The following ATP6V1E2 variants were observed in gnomAD, a reference collection of about 807,000 sequenced individuals.
The protein encoded by ATP6V1E2 is ATPase H+ transporting V1 subunit E2, also known as V-type proton ATPase subunit E 2.
For synonymous variants in ATP6V1E2, 121 were observed against 104.2 expected (o/e 1.16, Z -0.98); for missense variants, 308 against 273.3 (o/e 1.13, Z -0.90).
At chr2:46,522,391 CT>C (rs1157318909) in intron 4 of ATP6V1E2, among the ~76,000 whole-genome samples, 2 of 152,110 alleles carry the variant, frequency 1.3e-5, no homozygotes, top group African/African-American at 4.8e-5. Flanking sequence ...GTTTCCTCCC[CT>C]AACCCCCACC....
intron 4 of ATP6V1E2, among the ~76,000 whole-genome samples, chr2:46,531,915 T>C (rs1026526420): frequency 4.6e-5 from 7 of 152,268 alleles, no homozygotes; most frequent in African/African-American, 1.4e-4. Context: ...ATAAGAGAAC[T>C]TTATACATTC....
intron 2 of ATP6V1E2, among the ~76,000 whole-genome samples, chr2:46,539,759 C>A (rs544564618): frequency 2.2e-4 from 34 of 152,340 alleles, no homozygotes; most frequent in African/African-American, 7.7e-4. Flanking sequence ...TGCTCTTGGC[C>A]TTTCCCAGGC....
chr2:46,532,965 C>A (rs1037360751), intron 4 of ATP6V1E2, among the ~76,000 whole-genome samples: 9 of 151,826 alleles, frequency 5.9e-5, no homozygotes, highest in Non-Finnish European at 1.3e-4. Flanking sequence ...GTTTTTCTAT[C>A]CCTTTTGTTA....
At chr2:46,532,557 G>A (rs937845297) in intron 4 of ATP6V1E2, among the ~76,000 whole-genome samples, 1 of 152,146 alleles carries the variant, frequency 6.6e-6, no homozygotes, top group African/African-American at 2.4e-5. Context: ...ATTAAGAGGT[G>A]GAAACTTTGG....
At chr2:46,532,260 T>A (rs1667218111) in intron 4 of ATP6V1E2, among the ~76,000 whole-genome samples, 1 of 152,168 alleles carries the variant, frequency 6.6e-6, no homozygotes, top group African/African-American at 2.4e-5. Flanking sequence ...CACCATTTAT[T>A]GAAGAGACTA....
chr2:46,518,280 G>A (rs1666393414), intron 4 of ATP6V1E2, among the ~76,000 whole-genome samples: 1 of 152,050 alleles, frequency 6.6e-6, no homozygotes, highest in Non-Finnish European at 1.5e-5. Flanking sequence ...CCACTTATGG[G>A]ATATCTAAAG....
rs888685805 is a variant in ATP6V1E2 at position 46,542,576 on chromosome 2, G to C, written c.-733C>G. On this transcript the variant is annotated 5_prime_UTR_variant, in exon 1 of 5. Coordinates refer to ENST00000522587, the MANE Select transcript of ATP6V1E2 (RefSeq NM_001318063.2). ...GGCCGCGCGGCGGCAGCAGGCGGGG[G>C]CGCGTGGCGCGGGCCGCGCTCGGGG... 6.8e-6 allele frequency: 1 copy of C among 147,134 alleles called. No individual in the cohort carries two copies. The highest frequency in any genetic ancestry group is 6.8e-5 in the Admixed American group (1 of 14,810). The allele number at this position is 147,134 out of a possible 1,614,324, so 9.1% of individuals were successfully genotyped here. A position where few individuals can be genotyped will look rare whatever the true frequency, so the allele number is the denominator to read the frequency against.
chr2:46,525,941 G>T (rs557024167), intron 4 of ATP6V1E2, among the ~76,000 whole-genome samples: 30 of 151,598 alleles, frequency 2.0e-4, no homozygotes, highest in African/African-American at 7.3e-4. Context: ...CTGTCTAAAG[G>T]GGCAAATACT....
At chr2:46,522,636 T>C (rs1666698436) in intron 4 of ATP6V1E2, among the ~76,000 whole-genome samples, 1 of 152,236 alleles carries the variant, frequency 6.6e-6, no homozygotes, top group South Asian at 2.1e-4. Flanking sequence ...TTATCCAATC[T>C]ATCACTGATG....
intron 4 of ATP6V1E2, among the ~76,000 whole-genome samples, chr2:46,518,290 GT>G (rs2103845126): frequency 6.6e-6 from 1 of 152,188 alleles, no homozygotes; most frequent in Non-Finnish European, 1.5e-5. Flanking sequence ...GATATCTAAA[GT>G]AGTCAAACTC....
chr2:46,522,794 T>C (rs1427795280), intron 4 of ATP6V1E2, among the ~76,000 whole-genome samples: 1 of 152,250 alleles, frequency 6.6e-6, no homozygotes, highest in Admixed American at 6.5e-5. Context: ...TTTCTGGTTC[T>C]AGATCCTTGA....
chr2:46,532,592 C>G (rs1392194901), intron 4 of ATP6V1E2, among the ~76,000 whole-genome samples: 1 of 152,086 alleles, frequency 6.6e-6, no homozygotes, highest in Non-Finnish European at 1.5e-5. Context: ...GGGGAGAGCC[C>G]TCATGGATGG....
intron 4 of ATP6V1E2, 147 bp from the exon 5 acceptor site, chr2:46,512,959 A>C: frequency 2.3e-6 from 1 of 440,652 alleles, no homozygotes. Context: ...ACTCTAGAAG[A>C]ATGAGACTTG....
intron 4 of ATP6V1E2, among the ~76,000 whole-genome samples, chr2:46,522,336 A>G (rs978346333): frequency 6.6e-6 from 1 of 150,840 alleles, no homozygotes; most frequent in African/African-American, 2.4e-5. Flanking sequence ...ACACAGGTAT[A>G]CGTGTGTCAT....
In ATP6V1E2 at chr2:46,530,726, T is replaced by A. The variant is rs927453449; in HGVS notation, c.-102+5087A>T. Among the ~76,000 whole-genome samples the A allele has an allele frequency of 6.6e-6, 1 of 152,222 alleles. No individual in the cohort carries two copies. Among genetic ancestry groups the A allele is most frequent in the South Asian group, 2.1e-4 (1 of 4,834 alleles). ...TTTCATTGACTCACAGTTCAGCATG[T>A]CTGGGGAGGCCTTACAATCATGGCA... On this transcript the variant is annotated intron_variant, in intron 4 of 4. Coordinates refer to ENST00000522587, the MANE Select transcript of ATP6V1E2 (RefSeq NM_001318063.2). This position sits in a 1 kb window ranked among gnomAD's most constrained non-coding sequence, Gnocchi z 5.2.
intron 4 of ATP6V1E2, among the ~76,000 whole-genome samples, chr2:46,525,318 C>T (rs572861429): frequency 6.6e-6 from 1 of 151,966 alleles, no homozygotes; most frequent in East Asian, 1.9e-4. Context: ...AAAAATTAGC[C>T]GGGCGCAGTG....
Position 46,512,472 on chromosome 2 carries a change from C to T in ATP6V1E2, c.240G>A (p.Arg80=). 2 of 1,614,184 alleles carry T rather than the reference C, an allele frequency of 1.2e-6. No homozygotes were observed. The highest frequency in any genetic ancestry group is 1.7e-6 in the Non-Finnish European group (2 of 1,180,032). ...ILMSTMRNQA[R]LKVLRARNDL... ...CATTTCGGGCTCTCAGGACTTTCAG[C>T]CTCGCCTGATTCCTCATGGTGGACA... is the stretch of plus-strand genomic sequence containing the variant. The change falls in exon 5 of 5, where the codon AGG becomes AGA. Residue 80 remains arginine (R), a synonymous_variant. Transcript: ENST00000522587.
chr2:46,536,412 G>C (rs1317512065), intron 3 of ATP6V1E2, among the ~76,000 whole-genome samples, 199 bp downstream of exon 3: 2 of 152,230 alleles, frequency 1.3e-5, no homozygotes, highest in African/African-American at 4.8e-5. Flanking sequence ...GTGCCAATGG[G>C]AGGTTTTAGT....
chr2:46,531,028 G>GTT (rs35144152), intron 4 of ATP6V1E2, among the ~76,000 whole-genome samples: 1 of 152,046 alleles, frequency 6.6e-6, no homozygotes, highest in Non-Finnish European at 1.5e-5. Flanking sequence ...TGGTGAATAC[G>GTT]TTTTTTGAAA....
Sources: gnomAD v4.1 joint callset for allele counts (sites outside exome capture counted in the v4.1 genomes callset) on GRCh38, gnomAD v4.1.1 for gene constraint, Gnocchi (gnomAD v3.1) non-coding constraint, MANE v1.5 for transcripts, NCBI Gene and HGNC (gene_info 2026-07-23, HGNC 2026-07-21) for gene names.